The following LARGE1 variants were observed in gnomAD, a reference collection of about 807,000 sequenced individuals.
LARGE1 encodes LARGE xylosyl- and glucuronyltransferase 1.
In LARGE1, 43 loss-of-function variants were observed where a neutral mutation model predicts 87.6. That is an observed-to-expected ratio of 0.49 (90% confidence interval 0.38 to 0.63). LARGE1 has a LOEUF of 0.63. LARGE1 is among the 30% of genes least tolerant of loss of function. LARGE1 has a pLI of 0.00. For missense variants in LARGE1, 802 were observed against 1,000.2 expected, an observed-to-expected ratio of 0.80 and a Z score of 2.67; for synonymous variants, 434 against 394.6, an observed-to-expected ratio of 1.10 and a Z score of -1.18.
At chr22:33,120,407 T>C in the LARGE1 span, among the ~76,000 whole-genome samples, 4 of 99,176 alleles carry the variant, frequency 4.0e-5, no homozygotes, top group East Asian at 7.2e-4. Flanking sequence ...TCTTTCTTTC[T>C]TTCCTTCTTT....
At chr22:33,289,958 A>C (rs1407676725) in intron 12 of LARGE1, among the ~76,000 whole-genome samples, 1 of 152,008 alleles carries the variant, frequency 6.6e-6, no homozygotes, top group Non-Finnish European at 1.5e-5. Flanking sequence ...AGTGTGAGTG[A>C]GCAGTGAGGC....
At chr22:33,621,564 T>C (rs546567253) in intron 4 of LARGE1, among the ~76,000 whole-genome samples, 10 of 152,330 alleles carry the variant, frequency 6.6e-5, no homozygotes, top group South Asian at 2.1e-4. Flanking sequence ...TGCACCACTA[T>C]TATTATATTA....
At chr22:33,454,401 C>A (rs1048315681) in intron 6 of LARGE1, among the ~76,000 whole-genome samples, 33 of 151,906 alleles carry the variant, frequency 2.2e-4, no homozygotes, top group African/African-American at 7.2e-4. Context: ...GGGTGGATCA[C>A]GAGGTCAGGA....
intron 2 of LARGE1, among the ~76,000 whole-genome samples, chr22:33,758,905 A>G (rs1449614159): frequency 1.3e-5 from 2 of 152,196 alleles, no homozygotes; most frequent in Non-Finnish European, 2.9e-5. Context: ...AGTTAACAAA[A>G]AAGTACCAGC....
intron 11 of LARGE1, among the ~76,000 whole-genome samples, chr22:33,193,814 A>AAG (rs1923917924): frequency 6.6e-6 from 1 of 150,486 alleles, no homozygotes; most frequent in Non-Finnish European, 1.5e-5. Context: ...TGAGACTATA[A>AAG]AAAGTAATTT....
At chr22:33,779,713 G>C (rs1424615824) in intron 1 of LARGE1, among the ~76,000 whole-genome samples, 3 of 152,154 alleles carry the variant, frequency 2.0e-5, no homozygotes, top group Non-Finnish European at 4.4e-5. Flanking sequence ...TTGAACCCGG[G>C]AGGCGGAGGT....
At chr22:33,307,028 C>G (rs1227947754) in intron 11 of LARGE1, among the ~76,000 whole-genome samples, 1 of 152,192 alleles carries the variant, frequency 6.6e-6, no homozygotes, top group Non-Finnish European at 1.5e-5. Context: ...TTTCTATGCC[C>G]TCCAGCCCCA....
chr22:33,309,236 A>G (rs1231380568), intron 11 of LARGE1, among the ~76,000 whole-genome samples: 2 of 151,046 alleles, frequency 1.3e-5, no homozygotes, highest in African/African-American at 4.9e-5. Flanking sequence ...GTGCGATCTC[A>G]GCTCACTGCA....
intron 9 of LARGE1, among the ~76,000 whole-genome samples, chr22:33,342,665 A>C (rs566074482): frequency 6.6e-6 from 1 of 152,282 alleles, no homozygotes; most frequent in East Asian, 1.9e-4. Context: ...ACTAGGACCC[A>C]GGTCTCCTGG....
rs958407669 is a variant in LARGE1 at position 33,169,197 on chromosome 22, G to C, written c.1731-2365C>G. The stretch of plus-strand genomic sequence containing the variant: ...TTTTAAAAATCTGTCCTGTTACAAA[G>C]TCATATGTAATTGATGATATATATT... On this transcript the variant is annotated intron_variant, in intron 11 of 11. Coordinates refer to the LARGE1 transcript ENST00000608642. 2.0e-5 allele frequency among the ~76,000 whole-genome samples: 3 copies of C among 152,166 alleles called. No homozygotes were observed. The South Asian group carries it at 6.2e-4, about 32-fold the overall frequency.
chr22:33,756,590 G>T (rs1462984975), intron 2 of LARGE1, among the ~76,000 whole-genome samples: 2 of 152,108 alleles, frequency 1.3e-5, no homozygotes. Context: ...GGTGGGAAGA[G>T]CAGAGCCCAC....
chr22:33,494,531 CTA>C (rs1490187622), intron 6 of LARGE1, among the ~76,000 whole-genome samples: 3 of 152,202 alleles, frequency 2.0e-5, no homozygotes, highest in African/African-American at 7.2e-5. Context: ...CCACCATATT[CTA>C]TTTTAATTGG....
At chr22:33,659,589 C>A (rs1321832873) in intron 2 of LARGE1, among the ~76,000 whole-genome samples, 1 of 152,006 alleles carries the variant, frequency 6.6e-6, no homozygotes, top group African/African-American at 2.4e-5. Flanking sequence ...TGATGACACA[C>A]AAAGGCTGCT....
intron 7 of LARGE1, among the ~76,000 whole-genome samples, chr22:33,395,106 G>A (rs2065682233): frequency 6.6e-6 from 1 of 151,926 alleles, no homozygotes; most frequent in Non-Finnish European, 1.5e-5. Flanking sequence ...GCGGGCCCCT[G>A]TAGTCCCAGC....
intron 1 of LARGE1, among the ~76,000 whole-genome samples, chr22:33,822,420 A>G (rs903326804): frequency 1.3e-5 from 2 of 152,172 alleles, no homozygotes; most frequent in East Asian, 3.9e-4. Flanking sequence ...TTAGAAATGC[A>G]AAGTGCAGTG....
At chr22:33,845,184 C>T (rs1231870851) in intron 1 of LARGE1, among the ~76,000 whole-genome samples, 1 of 152,172 alleles carries the variant, frequency 6.6e-6, no homozygotes. Context: ...CTCCCCCAGC[C>T]CCTGGGAAAC....
chr22:33,266,225 T>C (rs1191968781), intron 11 of LARGE1, among the ~76,000 whole-genome samples: 1 of 145,674 alleles, frequency 6.9e-6, no homozygotes, highest in East Asian at 1.9e-4. Context: ...AGGGCTTTTT[T>C]TTTTTTTTTT....
intron 7 of LARGE1, among the ~76,000 whole-genome samples, chr22:33,422,293 C>A (rs1456348250): frequency 1.3e-5 from 2 of 152,154 alleles, no homozygotes; most frequent in Admixed American, 1.3e-4. Context: ...CGTGTTGCTA[C>A]AGGGAAATAC....
In LARGE1 at chr22:33,676,372, C is replaced by CAAAAA. The variant is rs10567981; in HGVS notation, c.107-25709_107-25705dup. 8.6e-3 allele frequency among the ~76,000 whole-genome samples: 140 copies of CAAAAA among 16,318 alleles called. 32 individuals carry two copies. The highest frequency in any genetic ancestry group is 0.017 in the East Asian group (6 of 346). The allele number at this position is 16,318 out of a possible 152,430, so 10.7% of individuals were successfully genotyped here. A position where few individuals can be genotyped will look rare whatever the true frequency, so the allele number is the denominator to read the frequency against. On this transcript the variant is annotated intron_variant, in intron 2 of 14. Transcript: ENST00000397394. The stretch of plus-strand genomic sequence containing the variant: ...ACATCATATGTTACAGATTCAATGG[C>CAAAAA]AAAAAAAAAAAAAAAAAAAAAAAAA...
Sources: gnomAD v4.1 joint callset for allele counts (sites outside exome capture counted in the v4.1 genomes callset) on GRCh38, gnomAD v4.1.1 for gene constraint, MANE v1.5 for transcripts, NCBI Gene and HGNC (gene_info 2026-07-23, HGNC 2026-07-21) for gene names.